SCUBE1: variants seen among roughly 807,000 people sequenced by gnomAD.
The protein encoded by SCUBE1 is signal peptide, CUB domain and EGF like domain containing 1, also known as signal peptide, CUB and EGF-like domain-containing protein 1.
Under a neutral mutation model 124.4 loss-of-function variants are expected in SCUBE1, and 59 were observed. The ratio of observed to expected loss-of-function variants is 0.47; its 90% CI spans 0.38 to 0.59. The LOEUF (loss-of-function observed/expected upper bound fraction) is 0.59. SCUBE1 is among the 20% of genes least tolerant of loss of function. SCUBE1 has a pLI of 0.00. For missense variants in SCUBE1, 1,150 were observed against 1,371.2 expected (o/e 0.84, Z 2.55); for synonymous variants, 545 against 550.9 (o/e 0.99, Z 0.15).
chr22:43,319,866 C>G, intron 3 of SCUBE1, 71 bp downstream of exon 3: 2 of 1,569,332 alleles, frequency 1.3e-6, no homozygotes, highest in South Asian at 2.4e-5. Context: ...TCATGGCTCC[C>G]AACTCTGTAA....
chr22:43,321,268 G>A (rs930651085), intron 2 of SCUBE1, among the ~76,000 whole-genome samples: 1 of 152,248 alleles, frequency 6.6e-6, no homozygotes, highest in Non-Finnish European at 1.5e-5. Flanking sequence ...AAGAGAGCCT[G>A]TAGAAGGCAG....
In SCUBE1 at chr22:43,218,414, G is replaced by T; in HGVS notation, c.1732C>A (p.Leu578Met). Residue 578 changes from leucine to methionine, a missense_variant, in exon 15 of 22, where the codon CTG (leucine) becomes ATG (methionine). By Grantham distance (15) the Leu-to-Met change is conservative. Coordinates refer to ENST00000360835, the MANE Select transcript of SCUBE1 (RefSeq NM_173050.5). ...CGCAGGGTCTTGATGGCGGCCTGCA[G>T]GCTCTGTTCTGCTCGCTTCCGCAAG... Reference protein sequence around the residue: ...DCLRKRAEQSLQAAIKTLRKS... With the variant: ...DCLRKRAEQSMQAAIKTLRKS... The T allele has an allele frequency of 6.2e-7, 1 of 1,613,194 alleles. No individual in the cohort carries two copies. Among genetic ancestry groups the T allele is most frequent in the Non-Finnish European group, 8.5e-7 (1 of 1,180,038 alleles).
chr22:43,332,527 G>T (rs1478293995), intron 2 of SCUBE1, among the ~76,000 whole-genome samples: 2 of 152,094 alleles, frequency 1.3e-5, no homozygotes, highest in African/African-American at 4.8e-5. Flanking sequence ...TGGGCTGATG[G>T]GGGCCTGGCC....
In SCUBE1 at chr22:43,229,180, C is replaced by G; in HGVS notation, c.976G>C (p.Glu326Gln). 1.2e-6 allele frequency: 2 copies of G among 1,606,272 alleles called. No individual in the cohort carries two copies. Among genetic ancestry groups the G allele is most frequent in the Non-Finnish European group, 1.7e-6 (2 of 1,175,236 alleles). The change falls in exon 9 of 22, where the codon GAG becomes CAG. Residue 326 changes from glutamate to glutamine, a missense_variant. Glu to Gln is a conservative substitution (Grantham distance 29, BLOSUM62 2). Transcript: ENST00000360835. The stretch of plus-strand genomic sequence containing the variant: ...TCACAGGTCCGCTCGAAGGAGCACT[C>G]GTCGATGTCTGCGTGGCCACAGGGA... ...TDERTCQDID[E>Q]CSFERTCDHI...
At chr22:43,235,994 C>T (rs769669505) in intron 7 of SCUBE1, among the ~76,000 whole-genome samples, 1 of 152,210 alleles carries the variant, frequency 6.6e-6, no homozygotes, top group Non-Finnish European at 1.5e-5. Flanking sequence ...TGACCCCCAC[C>T]TGCCCGGGGT....
chr22:43,210,107 C>A lies in SCUBE1; in HGVS notation c.2517G>T (p.Val839=). ...CGATGGGCAGGAAGATCTCAGGGAC[C>A]ACGATGAGGATCCTGCGCTTTGGGG... The part of the protein sequence containing the change: ...APPPKRRILI[V]VPEIFLPIED... The change falls in exon 19 of 22, where the codon GTG becomes GTT. Residue 839 remains valine, a synonymous_variant. Coordinates refer to ENST00000360835, the MANE Select transcript of SCUBE1 (RefSeq NM_173050.5). The surrounding 1 kb of genome is among the most constrained non-coding windows in gnomAD (Gnocchi z 4.5). 2 of 1,612,996 alleles carry A rather than the reference C, an allele frequency of 1.2e-6. No individual in the cohort carries two copies. Among genetic ancestry groups the A allele is most frequent in the Non-Finnish European group, 1.7e-6 (2 of 1,179,668 alleles).
chr22:43,292,556 A>AACACACACAC (rs3985926), intron 3 of SCUBE1, among the ~76,000 whole-genome samples: 11,492 of 139,520 alleles, frequency 0.082, 662 homozygotes, highest in East Asian at 0.3. Context: ...CCCGGTCCCT[A>AACACACACAC]ACACACACAC....
intron 7 of SCUBE1, among the ~76,000 whole-genome samples, chr22:43,236,464 C>G (rs1042654402): frequency 1.3e-5 from 2 of 152,218 alleles, no homozygotes; most frequent in African/African-American, 4.8e-5. Context: ...TCTTCCAGAC[C>G]CTACTGTGAC....
intron 2 of SCUBE1, among the ~76,000 whole-genome samples, chr22:43,330,370 C>T (rs747157027): frequency 6.6e-6 from 1 of 152,214 alleles, no homozygotes; most frequent in Non-Finnish European, 1.5e-5. Context: ...CCAGAGGACA[C>T]CTCCTCTAAG....
Position 43,337,666 on chromosome 22 carries a change from T to C in SCUBE1, c.220+1438A>G, listed in dbSNP as rs538235869. The stretch of plus-strand genomic sequence containing the variant: ...GCCAGGAATATTACCCAACCAGGCA[T>C]GATCCAGGGCGATGTCATCTGCCCA... On this transcript the variant is annotated intron_variant, in intron 2 of 21. Transcript: ENST00000360835. Among the ~76,000 whole-genome samples the C allele has an allele frequency of 1.9e-3, 295 of 152,330 alleles. 3 individuals are homozygous for C. Among genetic ancestry groups the C allele is most frequent in the Middle Eastern group, 6.8e-3 (2 of 294 alleles).
In SCUBE1 at chr22:43,227,335, G is replaced by A. The variant is rs1406005539; in HGVS notation, c.1207+39C>T. The A allele has an allele frequency of 3.8e-6, 6 of 1,591,214 alleles. No homozygotes were observed. In the South Asian group the frequency reaches 6.7e-5, roughly 18 times the overall value. On this transcript the variant is annotated intron_variant, in intron 10 of 21. Transcript: ENST00000360835. ...CACTGTCCCTCCCATCCAAGCCCAG[G>A]TGCAGGGGAGGGGCCAGCAGCACAG...
chr22:43,288,606 C>A (rs997475506), intron 4 of SCUBE1, among the ~76,000 whole-genome samples: 1 of 152,260 alleles, frequency 6.6e-6, no homozygotes, highest in Non-Finnish European at 1.5e-5. Flanking sequence ...ACATTCCCCA[C>A]AAGCTTCCCA....
At chr22:43,293,018 T>C (rs1052570703) in intron 3 of SCUBE1, among the ~76,000 whole-genome samples, 3 of 152,198 alleles carry the variant, frequency 2.0e-5, no homozygotes, top group Non-Finnish European at 4.4e-5. Context: ...CCTTTCTCCA[T>C]TCAACAAAGC....
intron 6 of SCUBE1, among the ~76,000 whole-genome samples, chr22:43,254,001 T>C (rs1461730631): frequency 6.6e-6 from 1 of 152,212 alleles, no homozygotes; most frequent in Non-Finnish European, 1.5e-5. Context: ...CACTGACTCA[T>C]GCCTGCCTGG....
rs113339885 is a variant in SCUBE1 at position 43,266,331 on chromosome 22, A to G, written c.485-3486T>C. On this transcript the variant is annotated intron_variant, in intron 4 of 21. Coordinates refer to ENST00000360835, the MANE Select transcript of SCUBE1 (RefSeq NM_173050.5). ...GGGGAGCATCACTATCACATTTCAA[A>G]ATGACCCTACAACCACTGCAAGGAT... 5.4e-3 allele frequency among the ~76,000 whole-genome samples: 814 copies of G among 151,762 alleles called. 9 individuals carry two copies. Among genetic ancestry groups the G allele is most frequent in the African/African-American group, 0.019 (792 of 41,366 alleles).
chr22:43,261,362 G>A (rs1923864516), intron 5 of SCUBE1, among the ~76,000 whole-genome samples: 1 of 152,218 alleles, frequency 6.6e-6, no homozygotes, highest in Non-Finnish European at 1.5e-5. Flanking sequence ...CCACAGGAAA[G>A]AGCCAGGAAC....
At chr22:43,274,119 A>C (rs1179914051) in intron 4 of SCUBE1, among the ~76,000 whole-genome samples, 1 of 152,108 alleles carries the variant, frequency 6.6e-6, no homozygotes, top group Non-Finnish European at 1.5e-5. Flanking sequence ...CACGGACCTG[A>C]GGTCTTGCAC....
intron 2 of SCUBE1, among the ~76,000 whole-genome samples, chr22:43,335,593 CCAGA>C (rs1927036467): frequency 6.6e-6 from 1 of 152,206 alleles, no homozygotes; most frequent in Non-Finnish European, 1.5e-5. Flanking sequence ...TGCAGCCCCA[CCAGA>C]CCACAAGCTT....
At chr22:43,334,544 GCACCATCATCATCAATAT>G (rs1927001744) in intron 2 of SCUBE1, among the ~76,000 whole-genome samples, 2 of 151,782 alleles carry the variant, frequency 1.3e-5, no homozygotes, top group Admixed American at 6.6e-5. Context: ...ATCTTCTTCA[GCACCATCATCATCAATAT>G]CACCATCATC....
Sources: gnomAD v4.1 joint callset for allele counts (sites outside exome capture counted in the v4.1 genomes callset) on GRCh38, gnomAD v4.1.1 for gene constraint, Gnocchi (gnomAD v3.1) non-coding constraint, MANE v1.5 for transcripts, NCBI Gene and HGNC (gene_info 2026-07-23, HGNC 2026-07-21) for gene names.